Variants in SPTBN1 observed in about 807,000 individuals in gnomAD.
SPTBN1 encodes spectrin beta chain, non-erythrocytic 1.
SPTBN1 carries 32 observed loss-of-function variants against 266.4 expected under a neutral mutation model. That is an observed-to-expected ratio of 0.12 (90% CI 0.09 to 0.16). The LOEUF is 0.16. SPTBN1 is among the 10% of genes least tolerant of loss of function. The pLI is 1.00. For missense variants in SPTBN1, 2,296 were observed against 3,067.1 expected (o/e 0.75, Z 5.94); for synonymous variants, 1,336 against 1,162.2 (o/e 1.15, Z -3.04).
chr2:54,495,427 G>C (rs1443147655), intron 1 of SPTBN1, among the ~76,000 whole-genome samples: 2 of 152,154 alleles, frequency 1.3e-5, no homozygotes, highest in Non-Finnish European at 2.9e-5. Context: ...TGTCTTGCTA[G>C]ACAGTTCTGC....
chr2:54,649,842 T>C lies in SPTBN1; in HGVS notation c.5430T>C (p.Phe1810=). Residue 1810 remains phenylalanine, a synonymous_variant, in exon 26 of 36, where the codon TTT becomes TTC. Coordinates refer to ENST00000356805, the MANE Select transcript of SPTBN1 (RefSeq NM_003128.3). The surrounding 1 kb of genome is among the most constrained non-coding windows in gnomAD (Gnocchi z 6.7). ...ILAASYELHK[F]YHDAKEIFGR... The stretch of plus-strand genomic sequence containing the variant: ...CCGCTTCCTATGAACTGCACAAGTT[T>C]TACCACGATGCCAAGGAGATCTTTG... 1 of 1,614,158 alleles carries C rather than the reference T, an allele frequency of 6.2e-7. No homozygotes were observed. The highest frequency in any genetic ancestry group is 8.5e-7 in the Non-Finnish European group (1 of 1,180,030).
intron 32 of SPTBN1, chr2:54,662,364 A>G (rs1035038455): frequency 4.1e-6 from 4 of 979,002 alleles, no homozygotes; most frequent in East Asian, 2.3e-4. Flanking sequence ...TGATCTCTGC[A>G]TACTGGTTTG....
intron 5 of SPTBN1, 130 bp downstream of exon 5, chr2:54,616,428 C>G (rs550479975): frequency 1.7e-5 from 11 of 660,842 alleles, no homozygotes; most frequent in Admixed American, 1.2e-4. Flanking sequence ...AACTCGCAAG[C>G]AGTTGATATG....
intron 1 of SPTBN1, among the ~76,000 whole-genome samples, chr2:54,510,509 AGTTCCCTCTAAAT>A (rs1233392771): frequency 6.6e-6 from 1 of 152,244 alleles, no homozygotes; most frequent in African/African-American, 2.4e-5. Flanking sequence ...AACAGAATTT[AGTTCCCTCTAAAT>A]GTTCCAAATT....
At chr2:54,559,180 A>G (rs1673101921) in intron 2 of SPTBN1, among the ~76,000 whole-genome samples, 1 of 152,220 alleles carries the variant, frequency 6.6e-6, no homozygotes, top group African/African-American at 2.4e-5. Flanking sequence ...CTAGTAGATC[A>G]GTGCTCATAG....
At chr2:54,481,020 A>G (rs1344963752) in intron 1 of SPTBN1, among the ~76,000 whole-genome samples, 2 of 152,086 alleles carry the variant, frequency 1.3e-5, no homozygotes, top group African/African-American at 4.8e-5. Flanking sequence ...ATTAAGAGTG[A>G]CATTCATCCT....
chr2:54,601,210 A>T (rs1676477270), intron 3 of SPTBN1, among the ~76,000 whole-genome samples: 4 of 152,146 alleles, frequency 2.6e-5, no homozygotes, highest in Admixed American at 2.6e-4. Flanking sequence ...TAAAGCCCCT[A>T]GTGCCTTCAT....
intron 1 of SPTBN1, among the ~76,000 whole-genome samples, chr2:54,469,275 T>TA (rs914996866): frequency 6.6e-5 from 10 of 152,126 alleles, no homozygotes; most frequent in Non-Finnish European, 1.3e-4. Flanking sequence ...CATTGGAAGA[T>TA]AAAAAAAGCT....
At chr2:54,477,788 G>A (rs1301606733) in intron 1 of SPTBN1, among the ~76,000 whole-genome samples, 4 of 152,100 alleles carry the variant, frequency 2.6e-5, no homozygotes, top group East Asian at 1.9e-4. Flanking sequence ...GCGGGTGCCC[G>A]TTATCCCAGC....
At chr2:54,463,318 A>C (rs1693463178) in intron 1 of SPTBN1, among the ~76,000 whole-genome samples, 1 of 152,282 alleles carries the variant, frequency 6.6e-6, no homozygotes, top group African/African-American at 2.4e-5. Flanking sequence ...GATGACAAAT[A>C]GACAAGTCAA....
In SPTBN1 at chr2:54,515,231, A is replaced by G. The variant is rs75414875; in HGVS notation, c.-47-11141A>G. Among the ~76,000 whole-genome samples the G allele has an allele frequency of 7.5e-4, 114 of 152,178 alleles. 1 individual carries two copies. Among genetic ancestry groups the G allele is most frequent in the African/African-American group, 2.6e-3 (110 of 41,512 alleles). Reference sequence around the variant, plus strand: ...CCACCCCTACCAATCAGAACTGCCAACTCAGTGGACCCCTACCCAGCAAAT... The same window carrying G: ...CCACCCCTACCAATCAGAACTGCCAGCTCAGTGGACCCCTACCCAGCAAAT... On this transcript the variant is annotated intron_variant, in intron 1 of 35. Transcript: ENST00000356805.
At chr2:54,494,669 A>G (rs1668871159) in intron 1 of SPTBN1, among the ~76,000 whole-genome samples, 1 of 152,238 alleles carries the variant, frequency 6.6e-6, no homozygotes, top group South Asian at 2.1e-4. Context: ...ATTTATATAG[A>G]AATTACAAAC....
In SPTBN1 at chr2:54,653,405, TAATAATG is replaced by T. The variant is rs1336547184; in HGVS notation, c.5578-203_5578-197del. The T allele has an allele frequency of 1.3e-5, 9 of 684,504 alleles. No homozygotes were observed. Among genetic ancestry groups the T allele is most frequent in the Non-Finnish European group, 4.6e-6 (2 of 437,718 alleles). The allele number at this position is 684,504 out of a possible 1,614,324, so 42.4% of individuals were successfully genotyped here. On this transcript the variant is annotated intron_variant, in intron 26 of 35. Transcript: ENST00000356805. The surrounding 1 kb of genome is among the most constrained non-coding windows in gnomAD (Gnocchi z 5.1). ...TTTGTTTTATCATTCATAAAGAACT[TAATAATG>T]TAGTTGAACAGATTTATAGAAAACG...
chr2:54,631,500 G>C lies in SPTBN1; in HGVS notation c.3453G>C (p.Trp1151Cys). The part of the protein sequence containing the change: ...RQRLQALDTG[W>C]NELHKMWENR... ...GGCTGCAGGCCCTGGACACTGGATG[G>C]AACGAGCTCCACAAGATGTGGGAGA... The change falls in exon 16 of 36, where the codon TGG (tryptophan) becomes TGC (cysteine). Residue 1151 changes from tryptophan to cysteine, a missense_variant. This residue lies in a region of SPTBN1 where 386 missense variants were observed against 486.1 expected (regional missense o/e 0.79). Coordinates refer to ENST00000356805, the MANE Select transcript of SPTBN1 (RefSeq NM_003128.3). 6.2e-7 allele frequency: 1 copy of C among 1,614,234 alleles called. No homozygotes were observed. Among genetic ancestry groups the C allele is most frequent in the Non-Finnish European group, 8.5e-7 (1 of 1,180,042 alleles).
intron 1 of SPTBN1, among the ~76,000 whole-genome samples, chr2:54,472,581 G>C (rs560812290): frequency 1.3e-5 from 2 of 151,872 alleles, no homozygotes; most frequent in African/African-American, 4.8e-5. Context: ...CAATAGAAAG[G>C]CTTGTTTTTT....
chr2:54,541,106 C>G (rs892521492), intron 2 of SPTBN1, among the ~76,000 whole-genome samples: 3 of 152,212 alleles, frequency 2.0e-5, no homozygotes, highest in African/African-American at 7.2e-5. Flanking sequence ...ACCTTTTTCT[C>G]TAGCCAGGGA....
At chr2:54,493,934 G>A (rs79066420) in intron 1 of SPTBN1, among the ~76,000 whole-genome samples, 6,469 of 152,146 alleles carry the variant, frequency 0.043, 192 homozygotes, top group South Asian at 0.11. Flanking sequence ...CACGTGAGTG[G>A]GTTACTCTCT....
rs1415741336 is a variant in SPTBN1 at position 54,509,449 on chromosome 2, T to A, written c.-47-16923T>A. The stretch of plus-strand genomic sequence containing the variant: ...ACTATAGAGAGTGAGTTGAGCATAG[T>A]TTGTGATTTTGAGGGCCTCTAAAAG... On this transcript the variant is annotated intron_variant, in intron 1 of 35. Transcript: ENST00000356805. Among the ~76,000 whole-genome samples the A allele has an allele frequency of 2.0e-5, 3 of 152,224 alleles. No individual in the cohort carries two copies. In the East Asian group the frequency reaches 5.8e-4, roughly 29 times the overall value.
At chr2:54,579,819 A>T (rs768843763) in intron 2 of SPTBN1, among the ~76,000 whole-genome samples, 3 of 152,164 alleles carry the variant, frequency 2.0e-5, no homozygotes, top group Admixed American at 6.5e-5. Context: ...AAGTATAGTG[A>T]GAGAGAGAGA....
Sources: gnomAD v4.1 joint callset for allele counts (sites outside exome capture counted in the v4.1 genomes callset) on GRCh38, gnomAD v4.1.1 for gene constraint, gnomAD v4.1.1 regional missense constraint, Gnocchi (gnomAD v3.1) non-coding constraint, MANE v1.5 for transcripts, NCBI Gene and HGNC (gene_info 2026-07-23, HGNC 2026-07-21) for gene names.